POU3F3: variants seen among roughly 807,000 people sequenced by gnomAD.
POU3F3 encodes the protein POU class 3 homeobox 3, also known as POU domain, class 3, transcription factor 3.
In POU3F3, 1 loss-of-function variant was observed where a neutral mutation model predicts 8.6. That is an observed-to-expected ratio of 0.12 (90% CI 0.04 to 0.55). The LOEUF (loss-of-function observed/expected upper bound fraction) is 0.55, where lower values mean the gene tolerates loss of function less well. Ranked by LOEUF, POU3F3 falls within the 20% of genes least tolerant of loss-of-function variation. The pLI is 0.91. For missense variants in POU3F3, 577 were observed against 690.7 expected, an observed-to-expected ratio of 0.84 and a Z score of 1.84; for synonymous variants, 418 against 327.4, an observed-to-expected ratio of 1.28 and a Z score of -2.99.
chr2:104,856,078 G>A lies in POU3F3; in HGVS notation c.568G>A (p.Ala190Thr). Residue 190 changes from alanine (A) to threonine (T), a missense_variant, in exon 1 of 1, where the codon GCC becomes ACC. Physicochemically the swap from Ala to Thr is moderately conservative, Grantham distance 58 (BLOSUM62 0). This residue lies in a region of POU3F3 where 484 missense variants were observed against 422.6 expected (regional missense o/e 1.15). Transcript: ENST00000361360. ...GGGCCACCCTGGGGGCTGGGGGGCG[G>A]CCGCCGCTGCCGCAGCCGCAGCCGC... ...HQGHPGGWGA[A>T]AAAAAAAAAA... is the part of the protein sequence containing the mutation. 3.1e-6 allele frequency: 3 copies of A among 966,996 alleles called. No individual in the cohort carries two copies. The highest frequency in any genetic ancestry group is 6.3e-5 in the Admixed American group (1 of 15,952). The allele number at this position is 966,996 out of a possible 1,614,324, so 59.9% of individuals were successfully genotyped here.
chr2:104,854,212 G>A lies in POU3F3; in HGVS notation c.-1299G>A, dbSNP rs1676501807. On this transcript the variant is annotated 5_prime_UTR_variant, in exon 1 of 1. Coordinates refer to ENST00000361360, the MANE Select transcript of POU3F3 (RefSeq NM_006236.3). The surrounding 1 kb of genome is among the most constrained non-coding windows in gnomAD (Gnocchi z 4.5). Reference sequence around the variant, plus strand: ...AGAGAGGGAGAGAGAGAGAGGGAGGGAGAGGAAAAGTGAGAGAGGGAAAGA... The same window carrying A: ...AGAGAGGGAGAGAGAGAGAGGGAGGAAGAGGAAAAGTGAGAGAGGGAAAGA... Among the ~76,000 whole-genome samples the A allele has an allele frequency of 2.6e-5, 4 of 152,182 alleles. No individual in the cohort carries two copies. The highest frequency in any genetic ancestry group is 2.0e-4 in the Admixed American group (3 of 15,282).
chr2:104,895,469 C>G, the POU3F3 span, among the ~76,000 whole-genome samples: 1 of 152,160 alleles, frequency 6.6e-6, no homozygotes, highest in Non-Finnish European at 1.5e-5. Flanking sequence ...TAAATTATGT[C>G]TACTGGGTCA....
the POU3F3 span, among the ~76,000 whole-genome samples, chr2:104,887,210 C>T: frequency 6.6e-6 from 1 of 152,150 alleles, no homozygotes; most frequent in Admixed American, 6.5e-5. Flanking sequence ...TAGCCGGCTT[C>T]TTTACTGCAA....
chr2:104,856,519 G>A lies in POU3F3; in HGVS notation c.1009G>A (p.Gly337Ser). ...GTTCAAGCAGCGGCGCATCAAGCTG[G>A]GCTTCACGCAGGCCGACGTGGGGTT... ...KQFKQRRIKLGFTQADVGLAL... is the reference protein window; with the variant it reads ...KQFKQRRIKLSFTQADVGLAL... Residue 337 changes from glycine (G) to serine (S), a missense_variant, in exon 1 of 1, where the codon GGC becomes AGC. Gly to Ser is a moderately conservative substitution (Grantham distance 56). This residue lies in a region of POU3F3 where 20 missense variants were observed against 107.7 expected (regional missense o/e 0.19). Coordinates refer to ENST00000361360, the MANE Select transcript of POU3F3 (RefSeq NM_006236.3). 1 of 1,614,062 alleles carries A rather than the reference G, an allele frequency of 6.2e-7. No individual in the cohort carries two copies. Among genetic ancestry groups the A allele is most frequent in the Non-Finnish European group, 8.5e-7 (1 of 1,180,010 alleles).
the POU3F3 span, among the ~76,000 whole-genome samples, chr2:104,868,911 A>G: frequency 2.0e-5 from 3 of 152,244 alleles, no homozygotes; most frequent in Admixed American, 6.5e-5. Context: ...GTTTCCAACT[A>G]TAATTCCATA....
At chr2:104,917,371 C>T in the POU3F3 span, among the ~76,000 whole-genome samples, 1 of 152,214 alleles carries the variant, frequency 6.6e-6, no homozygotes, top group African/African-American at 2.4e-5. Flanking sequence ...GAGACAACAA[C>T]TATGACTATA....
chr2:104,857,152 C>G lies in POU3F3; in HGVS notation c.*139C>G. ...GCGCCGACCCTGCACCTGGGCCGCT[C>G]CGGGCTCCAGCCCAGGCCCATCCGC... On this transcript the variant is annotated 3_prime_UTR_variant, in exon 1 of 1. Transcript: ENST00000361360. 4.4e-6 allele frequency: 4 copies of G among 899,554 alleles called. No homozygotes were observed. The African/African-American group carries it at 5.4e-5, about 12-fold the overall frequency. The allele number at this position is 899,554 out of a possible 1,614,324, so 55.7% of individuals were successfully genotyped here.
At chr2:104,903,788 T>C in the POU3F3 span, among the ~76,000 whole-genome samples, 1 of 152,146 alleles carries the variant, frequency 6.6e-6, no homozygotes, top group Admixed American at 6.5e-5. Flanking sequence ...TCTGTGGGGG[T>C]TAAGAAGCTC....
chr2:104,926,803 G>T, the POU3F3 span, among the ~76,000 whole-genome samples: 1 of 152,162 alleles, frequency 6.6e-6, no homozygotes, highest in African/African-American at 2.4e-5. Flanking sequence ...GCAGGGACAT[G>T]GATGAAGCTG....
rs550210742 is a variant in POU3F3, at chr2:104,854,285, A to G, written c.-1226A>G. 6.6e-6 allele frequency among the ~76,000 whole-genome samples: 1 copy of G among 152,304 alleles called. No individual in the cohort carries two copies. The highest frequency in any genetic ancestry group is 2.1e-4 in the South Asian group (1 of 4,826). ...CGAGCTCCTGCTGCAACTCTGCTCC[A>G]GCACGGCCAGCGCCAGCGCCCGCCG... On this transcript the variant is annotated 5_prime_UTR_variant, in exon 1 of 1. Coordinates refer to ENST00000361360, the MANE Select transcript of POU3F3 (RefSeq NM_006236.3). This position sits in a 1 kb window ranked among gnomAD's most constrained non-coding sequence, Gnocchi z 4.5.
chr2:104,904,842 G>A, the POU3F3 span, among the ~76,000 whole-genome samples: 297 of 152,184 alleles, frequency 2.0e-3, 2 homozygotes, highest in African/African-American at 6.7e-3. Context: ...GGGCGTGGAG[G>A]GGATGAGAAC....
chr2:104,861,465 G>C (rs1288849261), downstream of POU3F3, among the ~76,000 whole-genome samples: 1 of 152,174 alleles, frequency 6.6e-6, no homozygotes, highest in East Asian at 1.9e-4. Flanking sequence ...GCAAGGATTA[G>C]AGCAGATGCT....
chr2:104,853,636 G>A (rs1676486673), upstream of POU3F3: 1 of 152,376 alleles, frequency 6.6e-6, no homozygotes, highest in Non-Finnish European at 1.5e-5. Flanking sequence ...GGGGTAAGGG[G>A]GTGAGCAACC....
At chr2:104,888,977 C>G in the POU3F3 span, among the ~76,000 whole-genome samples, 1 of 152,202 alleles carries the variant, frequency 6.6e-6, no homozygotes, top group Admixed American at 6.5e-5. Context: ...CTTGATGATG[C>G]TTTTGAAAAT....
At chr2:104,853,776 T>G (rs1251104755), upstream of POU3F3, 4 of 151,606 alleles carry the variant, frequency 2.6e-5, no homozygotes, top group Non-Finnish European at 4.4e-5. Context: ...CGCCCAGACC[T>G]ATTGCGAACG....
the POU3F3 span, among the ~76,000 whole-genome samples, chr2:104,892,154 C>G: frequency 6.6e-6 from 1 of 152,232 alleles, no homozygotes; most frequent in East Asian, 1.9e-4. Flanking sequence ...GGCCAGGTAC[C>G]CTTCACCTAG....
At position 104,855,225 on chromosome 2, in the gene POU3F3, G is replaced by C. The variant is rs1320905975; in HGVS notation, c.-286G>C. On this transcript the variant is annotated 5_prime_UTR_variant, in exon 1 of 1. Coordinates refer to ENST00000361360, the MANE Select transcript of POU3F3 (RefSeq NM_006236.3). The stretch of plus-strand genomic sequence containing the variant: ...CGCTGCTCCTGCGGCTGCTGCTGCT[G>C]CTGGTGACCAAGGCCGGCCGGCGAC... Among the ~76,000 whole-genome samples the C allele has an allele frequency of 6.6e-6, 1 of 151,288 alleles. No homozygotes were observed. The highest frequency in any genetic ancestry group is 1.5e-5 in the Non-Finnish European group (1 of 67,838).
At chr2:104,919,021 G>A in the POU3F3 span, among the ~76,000 whole-genome samples, 57,568 of 151,414 alleles carry the variant, frequency 0.38, 11,020 homozygotes, top group East Asian at 0.45. Flanking sequence ...ACAGGCATGC[G>A]CCACCACGCC....
the POU3F3 span, among the ~76,000 whole-genome samples, chr2:104,881,816 C>A: frequency 6.6e-6 from 1 of 152,198 alleles, no homozygotes; most frequent in Non-Finnish European, 1.5e-5. Flanking sequence ...GCTGCATGAA[C>A]ACGTAGCAGA....
Sources: allele counts gnomAD v4.1 joint callset (sites outside exome capture counted in the v4.1 genomes callset), GRCh38; gene constraint gnomAD v4.1.1; regional missense constraint gnomAD v4.1.1; non-coding constraint Gnocchi (gnomAD v3.1); transcripts MANE v1.5; gene names NCBI Gene and HGNC (gene_info 2026-07-23, HGNC 2026-07-21).